Variants in ADAP1 observed in about 807,000 individuals in gnomAD.
ADAP1 encodes arf-GAP with dual PH domain-containing protein 1.
ADAP1 carries 31 observed loss-of-function variants against 54.9 expected under a neutral mutation model. The observed-to-expected ratio is 0.56, with a 90% CI of 0.42 to 0.76. The LOEUF (loss-of-function observed/expected upper bound fraction) is 0.76. Among genes scored for constraint, ADAP1 ranks in the 30% least tolerant of loss-of-function variants. The pLI is 0.00. For synonymous variants in ADAP1, 313 were observed against 202.6 expected, an observed-to-expected ratio of 1.55 and a Z score of -4.63; for missense variants, 535 against 512.4, an observed-to-expected ratio of 1.04 and a Z score of -0.42.
At chr7:939,470 G>T (rs535855028) in intron 1 of ADAP1, among the ~76,000 whole-genome samples, 6 of 151,556 alleles carry the variant, frequency 4.0e-5, no homozygotes, top group African/African-American at 1.4e-4. Context: ...CGCCTGCCTC[G>T]GCCTCACAAA....
intron 5 of ADAP1, 29 bp downstream of exon 5, chr7:905,030 GC>G: frequency 1.3e-6 from 2 of 1,593,222 alleles, no homozygotes. Flanking sequence ...CCTGGGACAG[GC>G]CCCCACCCCA....
chr7:906,699 ACATGGGGG>A (rs1562915271), intron 4 of ADAP1, among the ~76,000 whole-genome samples: 1 of 33,754 alleles, frequency 3.0e-5, no homozygotes, highest in African/African-American at 1.4e-4. Context: ...GGGGACATGG[ACATGGGGG>A]ACGGGACATC....
chr7:951,646 G>A (rs1229644854), intron 1 of ADAP1, among the ~76,000 whole-genome samples: 1 of 151,150 alleles, frequency 6.6e-6, no homozygotes, highest in East Asian at 2.0e-4. Flanking sequence ...GAGGTGGGAG[G>A]ATTGCTTGAG....
At chr7:940,894 C>T (rs534121569) in intron 1 of ADAP1, among the ~76,000 whole-genome samples, 3 of 152,134 alleles carry the variant, frequency 2.0e-5, no homozygotes, top group South Asian at 4.1e-4. Context: ...TCAATAGATG[C>T]AAAAAATGCT....
At chr7:932,198 C>A (rs1192173857) in intron 2 of ADAP1, among the ~76,000 whole-genome samples, 1 of 152,200 alleles carries the variant, frequency 6.6e-6, no homozygotes, top group African/African-American at 2.4e-5. Context: ...CCAAAGGCCC[C>A]ATCGCACCAG....
chr7:937,066 TGCCCGGCCTCTGGGATTTGGGGGTCAC>T (rs1846783687), intron 1 of ADAP1, among the ~76,000 whole-genome samples: 1 of 133,862 alleles, frequency 7.5e-6, no homozygotes, highest in Admixed American at 7.4e-5. Flanking sequence ...TTGGGGGTCA[TGCCCGGCCTCTGGGATTTGGGGGTCAC>T]GCCGGGCCTC....
intron 6 of ADAP1, chr7:900,926 C>T: frequency 1.8e-6 from 1 of 570,168 alleles, no homozygotes; most frequent in Non-Finnish European, 3.4e-6. Context: ...GGGCTGCCAT[C>T]CAAGCTCACT....
chr7:926,874 C>T lies in ADAP1; in HGVS notation c.214-230G>A, dbSNP rs112843033. On this transcript the variant is annotated intron_variant, in intron 2 of 10. Coordinates refer to ENST00000265846, the MANE Select transcript of ADAP1 (RefSeq NM_006869.4). The surrounding 1 kb of genome is among the most constrained non-coding windows in gnomAD (Gnocchi z 4.6). Reference sequence around the variant, plus strand: ...GCCAGCGTCCCTAACGACGGGGTCCCGGCAAAGGGGGCCCAGGGGCCAGGC... The same window carrying T: ...GCCAGCGTCCCTAACGACGGGGTCCTGGCAAAGGGGGCCCAGGGGCCAGGC... The T allele has an allele frequency of 2.0e-3, 1,839 of 930,110 alleles. 29 individuals are homozygous for T. The African/African-American group carries it at 0.028, about 14-fold the overall frequency. 57.6% of individuals were successfully genotyped at this position (930,110 alleles called of 1,614,324 possible).
chr7:951,870 C>T (rs181984236), intron 1 of ADAP1, among the ~76,000 whole-genome samples: 3 of 152,298 alleles, frequency 2.0e-5, no homozygotes, highest in South Asian at 2.1e-4. Flanking sequence ...AGTGTGATCA[C>T]GACTCACTGC....
chr7:903,094 C>T lies in ADAP1; in HGVS notation c.648+1032G>A, dbSNP rs531480648. On this transcript the variant is annotated intron_variant, in intron 6 of 10. Transcript: ENST00000265846. ...AGCGAGATCTCCAGGCCGTGGGAGT[C>T]GCAGGCTCCTGGTGCCCGACTGCCT... 3.7e-3 allele frequency among the ~76,000 whole-genome samples: 564 copies of T among 152,226 alleles called. 7 individuals are homozygous for T. The highest frequency in any genetic ancestry group is 0.013 in the African/African-American group (549 of 41,536).
rs187610051 is a variant in ADAP1 at position 933,451 on chromosome 7, C to T, written c.213+1924G>A. On this transcript the variant is annotated intron_variant, in intron 2 of 10. Transcript: ENST00000265846. The stretch of plus-strand genomic sequence containing the variant: ...GCCTGTTAGAAGCAAATGAGCTACT[C>T]CCAACCAGGGGCAGGGGTCAGTGGT... Among the ~76,000 whole-genome samples, 1,143 of 150,812 alleles carry T rather than the reference C, an allele frequency of 7.6e-3. 13 individuals carry two copies. The highest frequency in any genetic ancestry group is 0.026 in the African/African-American group (1,066 of 41,118).
chr7:923,667 C>G (rs1050002588), intron 3 of ADAP1, among the ~76,000 whole-genome samples: 1 of 152,094 alleles, frequency 6.6e-6, no homozygotes, highest in Non-Finnish European at 1.5e-5. Context: ...GCACGGTGCT[C>G]GACCTGCCTG....
rs1438781384 is a variant in ADAP1, at chr7:945,339, G to A, written c.82+9057C>T. 6.6e-6 allele frequency among the ~76,000 whole-genome samples: 1 copy of A among 152,198 alleles called. No individual in the cohort carries two copies. The highest frequency in any genetic ancestry group is 1.5e-5 in the Non-Finnish European group (1 of 68,024). ...GCTGGTCTGACGCCCCAGCAGCAGG[G>A]CCCCCACAGGCCCACGCAGGAGAGC... On this transcript the variant is annotated intron_variant, in intron 1 of 10. Transcript: ENST00000265846. This position sits in a 1 kb window ranked among gnomAD's most constrained non-coding sequence, Gnocchi z 4.2.
Position 935,367 on chromosome 7 carries a change from CT to C in ADAP1, c.213+7del, listed in dbSNP as rs1562933284. On this transcript the variant is annotated splice_region_variant and intron_variant, in intron 2 of 10. Transcript: ENST00000265846. ...TGCGCGGGTCCCCCCGCCCCTCCCC[CT>C]CCGTACCTCCACTTGGGCCTCCTCC... is the stretch of plus-strand genomic sequence containing the variant. The C allele has an allele frequency of 1.9e-6, 3 of 1,555,268 alleles. 1 individual carries two copies. In the South Asian group the frequency reaches 3.6e-5, roughly 18 times the overall value.
rs1035125991 is a variant in ADAP1 at position 946,657 on chromosome 7, G to A, written c.82+7739C>T. 2.1e-5 allele frequency among the ~76,000 whole-genome samples: 3 copies of A among 139,570 alleles called. No individual in the cohort carries two copies. Among genetic ancestry groups the A allele is most frequent in the East Asian group, 2.4e-4 (1 of 4,088 alleles). 91.6% of individuals were successfully genotyped at this position (139,570 alleles called of 152,430 possible). On this transcript the variant is annotated intron_variant, in intron 1 of 10. Coordinates refer to ENST00000265846, the MANE Select transcript of ADAP1 (RefSeq NM_006869.4). This position sits in a 1 kb window ranked among gnomAD's most constrained non-coding sequence, Gnocchi z 4.3. ...GTCCTCCCTGGACCCACCCTGTCCCGGAGCCCACTCTCTGGGGCCCCCACC... is the reference window on the plus strand; with the variant it reads ...GTCCTCCCTGGACCCACCCTGTCCCAGAGCCCACTCTCTGGGGCCCCCACC...
At position 919,571 on chromosome 7, in the gene ADAP1, G is replaced by A. The variant is rs548310955; in HGVS notation, c.388+397C>T. 3.5e-4 allele frequency among the ~76,000 whole-genome samples: 52 copies of A among 147,680 alleles called. 1 individual carries two copies. The East Asian group carries it at 0.01, about 29-fold the overall frequency. On this transcript the variant is annotated intron_variant, in intron 4 of 10. Transcript: ENST00000265846. ...GAGGGAGAGACAGAGATAGAGAGAG[G>A]ATGAGATAGACGTGAAGAGAGAGGA...
intron 3 of ADAP1, among the ~76,000 whole-genome samples, chr7:923,873 C>T (rs1005847392): frequency 2.6e-5 from 4 of 152,294 alleles, no homozygotes; most frequent in East Asian, 1.9e-4. Flanking sequence ...TGGGCACCAG[C>T]GCTGCTGGGG....
Position 899,488 on chromosome 7 carries a change from T to C in ADAP1, c.798A>G (p.Gln266=). 6.2e-7 allele frequency: 1 copy of C among 1,612,798 alleles called. No homozygotes were observed. ...ACCAGCGCTTCCGGAAGCCTTCCGT[T>C]TGCTGTGGGTCAGAGAGGGCCCGTG... ...EGYMEKTGPK[Q]TEGFRKRWFT... The change falls in exon 9 of 11, where the codon CAA becomes CAG. Residue 266 remains glutamine (Q), a splice_region_variant and synonymous_variant. Transcript: ENST00000265846.
chr7:921,599 G>A (rs977595111), intron 3 of ADAP1, among the ~76,000 whole-genome samples: 1 of 152,236 alleles, frequency 6.6e-6, no homozygotes, highest in South Asian at 2.1e-4. Context: ...ACAGGTGTGA[G>A]CCTCGCGTCC....
Sources: allele counts gnomAD v4.1 joint callset (sites outside exome capture counted in the v4.1 genomes callset), GRCh38; gene constraint gnomAD v4.1.1; non-coding constraint Gnocchi (gnomAD v3.1); transcripts MANE v1.5; gene names NCBI Gene and HGNC (gene_info 2026-07-23, HGNC 2026-07-21).